Variants in FOXP1 observed in about 807,000 individuals in gnomAD.
FOXP1 encodes forkhead box P1, also known as forkhead box protein P1.
Under a neutral mutation model 98.2 loss-of-function variants are expected in FOXP1, and 15 were observed. That is an observed-to-expected ratio of 0.15 (90% CI 0.10 to 0.24). The LOEUF (loss-of-function observed/expected upper bound fraction) is 0.24. FOXP1 is among the 10% of genes least tolerant of loss of function. FOXP1 has a pLI of 1.00. For missense variants in FOXP1, 633 were observed against 848.5 expected, an observed-to-expected ratio of 0.75 and a Z score of 3.15; for synonymous variants, 371 against 314.5, an observed-to-expected ratio of 1.18 and a Z score of -1.90.
Position 71,479,689 on chromosome 3 carries a change from AAAAAG to A in FOXP1, c.-168+13732_-168+13736del, listed in dbSNP as rs577534734. 1.4e-3 allele frequency among the ~76,000 whole-genome samples: 212 copies of A among 151,364 alleles called. 1 individual carries two copies. The highest frequency in any genetic ancestry group is 4.1e-3 in the African/African-American group (171 of 41,216). On this transcript the variant is annotated intron_variant, in intron 3 of 20. Transcript: ENST00000649528. ...AGCAAAACATCATCTCAAAAAAAAAAAAAAGAAAAGAAAAGAAAAGAAAAAAAAAG... is the reference window on the plus strand; with the variant it reads ...AGCAAAACATCATCTCAAAAAAAAAAAAAAGAAAAGAAAAGAAAAAAAAAG...
At chr3:71,118,713 A>G (rs1429676040) in intron 6 of FOXP1, among the ~76,000 whole-genome samples, 2 of 152,234 alleles carry the variant, frequency 1.3e-5, no homozygotes, top group Non-Finnish European at 2.9e-5. Flanking sequence ...AGCTCATGAT[A>G]TAAGAATGGT....
At chr3:71,104,646 T>C (rs1016581655) in intron 7 of FOXP1, among the ~76,000 whole-genome samples, 1 of 152,186 alleles carries the variant, frequency 6.6e-6, no homozygotes, top group Non-Finnish European at 1.5e-5. Flanking sequence ...AACAATATAA[T>C]TTATTTTAAA....
rs1347318593 is a variant in FOXP1 at position 71,279,184 on chromosome 3, A to AC, written c.-12+20635_-12+20636insG. Among the ~76,000 whole-genome samples the AC allele has an allele frequency of 7.3e-5, 11 of 151,720 alleles. No individual in the cohort carries two copies. In the East Asian group the frequency reaches 2.1e-3, roughly 29 times the overall value. ...TGAAACTCCATCTCAAAAAAAAAAA[A>AC]AAAAAAAAAGAAAGAAATAGGAATT... is the stretch of plus-strand genomic sequence containing the variant. On this transcript the variant is annotated intron_variant, in intron 5 of 20. Transcript: ENST00000649528.
intron 7 of FOXP1, chr3:71,064,951 G>T (rs1484210084): frequency 4.5e-6 from 1 of 222,074 alleles, no homozygotes; most frequent in South Asian, 1.6e-4. Context: ...TCCGGCTCGC[G>T]GGCTGACAAG....
chr3:71,390,540 C>G (rs1021770366), intron 3 of FOXP1, among the ~76,000 whole-genome samples: 1 of 132,282 alleles, frequency 7.6e-6, no homozygotes, highest in Non-Finnish European at 1.5e-5. Context: ...AGTTGTGCCT[C>G]ATGGATGGGC....
chr3:71,114,184 G>A lies in FOXP1; in HGVS notation c.181-1547C>T, dbSNP rs74880605. Among the ~76,000 whole-genome samples, 731 of 152,284 alleles carry A rather than the reference G, an allele frequency of 4.8e-3. 2 individuals are homozygous for A. Among genetic ancestry groups the A allele is most frequent in the African/African-American group, 9.0e-3 (374 of 41,548 alleles). Reference sequence around the variant, plus strand: ...AAAGTTAGCATAATGGACTTATGACGGTAGTGTGTTCCTTAAAAAGGAACA... The same window carrying A: ...AAAGTTAGCATAATGGACTTATGACAGTAGTGTGTTCCTTAAAAAGGAACA... On this transcript the variant is annotated intron_variant, in intron 6 of 20. Coordinates refer to ENST00000649528, the MANE Select transcript of FOXP1 (RefSeq NM_001349338.3).
intron 3 of FOXP1, among the ~76,000 whole-genome samples, chr3:71,409,291 T>C (rs1306884921): frequency 6.6e-6 from 1 of 152,166 alleles, no homozygotes; most frequent in Non-Finnish European, 1.5e-5. Flanking sequence ...ATATAGTGTT[T>C]GATTTGTTTC....
At chr3:71,537,058 G>A (rs1006768808) in intron 2 of FOXP1, among the ~76,000 whole-genome samples, 2 of 152,134 alleles carry the variant, frequency 1.3e-5, no homozygotes, top group Admixed American at 1.3e-4. Context: ...GAGGCCAAGC[G>A]AGCCAGCGAT....
At chr3:71,174,090 G>C (rs915936591) in intron 6 of FOXP1, among the ~76,000 whole-genome samples, 6 of 152,174 alleles carry the variant, frequency 3.9e-5, no homozygotes, top group African/African-American at 1.4e-4. Flanking sequence ...CTAGAACACA[G>C]ACAGATCCAT....
intron 6 of FOXP1, among the ~76,000 whole-genome samples, chr3:71,158,094 A>AGGAAGGAAGGAAGGAAGGAAGGAC (rs2060917142): frequency 5.6e-5 from 1 of 17,800 alleles, no homozygotes. Context: ...GAAGGAAGGA[A>AGGAAGGAAGGAAGGAAGGAAGGAC]GGAAGGAAGG....
intron 12 of FOXP1, among the ~76,000 whole-genome samples, chr3:71,011,755 C>T (rs577592212): frequency 1.3e-5 from 2 of 152,082 alleles, no homozygotes; most frequent in Non-Finnish European, 2.9e-5. Context: ...ATTCCAATTC[C>T]ACTGAGCAAA....
At chr3:71,149,786 C>T (rs952763923) in intron 6 of FOXP1, among the ~76,000 whole-genome samples, 3 of 152,114 alleles carry the variant, frequency 2.0e-5, no homozygotes, top group East Asian at 3.9e-4. Context: ...TGCATGTTTT[C>T]ATTCTTCTCT....
chr3:71,432,331 T>A (rs1297930242), intron 3 of FOXP1, among the ~76,000 whole-genome samples: 1 of 152,078 alleles, frequency 6.6e-6, no homozygotes, highest in Admixed American at 6.6e-5. Flanking sequence ...TTCCATCTCC[T>A]CCCCGGCCCT....
At chr3:71,514,636 C>A (rs539960002) in intron 2 of FOXP1, among the ~76,000 whole-genome samples, 4 of 152,240 alleles carry the variant, frequency 2.6e-5, no homozygotes, top group African/African-American at 7.2e-5. Flanking sequence ...GCTCTCCCCC[C>A]TGTTGGGAAG....
chr3:71,411,817 G>A (rs890803953), intron 3 of FOXP1, among the ~76,000 whole-genome samples: 1 of 152,124 alleles, frequency 6.6e-6, no homozygotes, highest in Non-Finnish European at 1.5e-5. Context: ...CTCTGATCCT[G>A]GGCAAGTCAC....
intron 12 of FOXP1, among the ~76,000 whole-genome samples, chr3:71,004,238 T>C (rs2042478535): frequency 6.6e-6 from 1 of 152,042 alleles, no homozygotes; most frequent in South Asian, 2.1e-4. Flanking sequence ...CTGGATAATT[T>C]GGTCAGCAGA....
intron 5 of FOXP1, chr3:71,276,036 A>G (rs2070846745): frequency 6.6e-6 from 1 of 152,222 alleles, no homozygotes; most frequent in Non-Finnish European, 1.5e-5. Flanking sequence ...ACAAATTAAC[A>G]AGCCTGAAAA....
intron 6 of FOXP1, among the ~76,000 whole-genome samples, chr3:71,128,113 G>C (rs1248096474): frequency 1.3e-5 from 2 of 152,110 alleles, no homozygotes; most frequent in African/African-American, 4.8e-5. Flanking sequence ...GTGATTTATA[G>C]GTCTTGATAC....
In FOXP1 at chr3:71,349,733, T is replaced by C. The variant is rs148502042; in HGVS notation, c.-73+9417A>G. On this transcript the variant is annotated intron_variant, in intron 4 of 20. Coordinates refer to ENST00000649528, the MANE Select transcript of FOXP1 (RefSeq NM_001349338.3). ...TAAATGTTAAGCTTTTGACAACCAA[T>C]GAGGTATAAAAATCATAGATACCCT... Among the ~76,000 whole-genome samples, 103 of 152,290 alleles carry C rather than the reference T, an allele frequency of 6.8e-4. 1 individual carries two copies. The highest frequency in any genetic ancestry group is 2.5e-3 in the African/African-American group (102 of 41,566).
Sources: allele counts gnomAD v4.1 joint callset (sites outside exome capture counted in the v4.1 genomes callset), GRCh38; gene constraint gnomAD v4.1.1; transcripts MANE v1.5; gene names NCBI Gene and HGNC (gene_info 2026-07-23, HGNC 2026-07-21).